Variants in TTC7A observed in about 807,000 individuals in gnomAD.
TTC7A encodes tetratricopeptide repeat domain 7A.
In TTC7A, 110 loss-of-function variants were observed where a neutral mutation model predicts 103.7. That is an observed-to-expected ratio of 1.06 (90% CI 0.91 to 1.24). The LOEUF (loss-of-function observed/expected upper bound fraction) is 1.24. Among genes scored for constraint, TTC7A ranks in the 50% most tolerant of loss-of-function variants. TTC7A has a pLI of 0.00. For synonymous variants in TTC7A, 521 were observed against 467.9 expected (o/e 1.11, Z -1.47); for missense variants, 1,340 against 1,116.3 (o/e 1.20, Z -2.86).
At chr2:47,022,337 C>T (rs1274315242) in intron 12 of TTC7A, among the ~76,000 whole-genome samples, 1 of 152,254 alleles carries the variant, frequency 6.6e-6, no homozygotes, top group Admixed American at 6.5e-5. Flanking sequence ...CCTCACAATG[C>T]TTCCATTCTG....
chr2:46,986,168 T>G (rs1674987597), intron 5 of TTC7A, among the ~76,000 whole-genome samples: 1 of 152,208 alleles, frequency 6.6e-6, no homozygotes, highest in African/African-American at 2.4e-5. Context: ...TTCGGGCATC[T>G]CTGAATGGTC....
intron 15 of TTC7A, among the ~76,000 whole-genome samples, chr2:47,030,244 T>G (rs1680386892): frequency 6.6e-6 from 1 of 152,216 alleles, no homozygotes; most frequent in Non-Finnish European, 1.5e-5. Flanking sequence ...CTGGCTGCCC[T>G]GATAGGTGAC....
rs111382431 is a variant in TTC7A, at chr2:47,069,929, C to T, written c.2356-3773C>T. ...CCAGCTGGAAAGGCTGTTACAGAAT[C>T]CCAGGAATGTGCCCTGAGCTCAGAA... On this transcript the variant is annotated intron_variant, in intron 19 of 19. Coordinates refer to ENST00000319190, the MANE Select transcript of TTC7A (RefSeq NM_020458.4). 2.6e-3 allele frequency among the ~76,000 whole-genome samples: 396 copies of T among 152,326 alleles called. 1 individual carries two copies. Among genetic ancestry groups the T allele is most frequent in the Non-Finnish European group, 3.9e-3 (266 of 68,022 alleles).
chr2:47,035,484 C>T (rs1377967189), intron 15 of TTC7A: 1 of 152,224 alleles, frequency 6.6e-6, no homozygotes, highest in Non-Finnish European at 1.5e-5. Context: ...CAGCATTTCC[C>T]TTCGTGGGTT....
At chr2:47,023,876 T>TCCCCCC (rs1679575731) in intron 13 of TTC7A, among the ~76,000 whole-genome samples, 1 of 134,622 alleles carries the variant, frequency 7.4e-6, no homozygotes, top group Non-Finnish European at 1.6e-5. Context: ...ACCCACCCCT[T>TCCCCCC]CCACCATCCC....
At chr2:46,978,977 G>A (rs1674155292) in intron 5 of TTC7A, 70 bp downstream of exon 5, 3 of 1,104,006 alleles carry the variant, frequency 2.7e-6, no homozygotes, top group Non-Finnish European at 4.1e-6. Flanking sequence ...GTGGCCTTAA[G>A]GCTGCTCTCC....
chr2:46,955,691 T>C (rs1427558575), intron 2 of TTC7A, among the ~76,000 whole-genome samples: 1 of 152,128 alleles, frequency 6.6e-6, no homozygotes, highest in Non-Finnish European at 1.5e-5. Flanking sequence ...ACGCTTCATT[T>C]CTCTTGGCTT....
intron 11 of TTC7A, among the ~76,000 whole-genome samples, chr2:47,019,190 C>T (rs1051032617): frequency 2.0e-5 from 3 of 152,052 alleles, no homozygotes; most frequent in Admixed American, 2.0e-4. Flanking sequence ...TTCCTAATCA[C>T]TGCTATGACT....
intron 18 of TTC7A, among the ~76,000 whole-genome samples, chr2:47,060,250 A>AC (rs1384811770): frequency 6.6e-6 from 1 of 152,054 alleles, no homozygotes; most frequent in African/African-American, 2.4e-5. Flanking sequence ...CGTGCCTGTA[A>AC]CCCCAGCTAC....
chr2:46,921,072 A>G (rs1669079174), intron 2 of TTC7A, among the ~76,000 whole-genome samples: 1 of 152,204 alleles, frequency 6.6e-6, no homozygotes, highest in Admixed American at 6.5e-5. Flanking sequence ...TCTTAGAGTG[A>G]AAGACTGAAT....
chr2:47,061,579 C>G (rs1683784689), intron 19 of TTC7A, among the ~76,000 whole-genome samples: 1 of 152,192 alleles, frequency 6.6e-6, no homozygotes, highest in East Asian at 1.9e-4. Flanking sequence ...AGTGGCCTCC[C>G]TGTGGGAAGC....
At chr2:47,069,976 C>T (rs1684526254) in intron 19 of TTC7A, among the ~76,000 whole-genome samples, 1 of 145,524 alleles carries the variant, frequency 6.9e-6, no homozygotes. Flanking sequence ...AAAATAACTT[C>T]TATAAATACT....
At chr2:46,927,563 T>C (rs1669455475) in intron 2 of TTC7A, among the ~76,000 whole-genome samples, 1 of 151,844 alleles carries the variant, frequency 6.6e-6, no homozygotes, top group South Asian at 2.1e-4. Context: ...GGTTTCACCG[T>C]GTTAGCCAGG....
intron 13 of TTC7A, among the ~76,000 whole-genome samples, chr2:47,023,787 T>C (rs1167265229): frequency 6.6e-6 from 1 of 152,118 alleles, no homozygotes; most frequent in Non-Finnish European, 1.5e-5. Context: ...CCTTGCACAG[T>C]ATCCTATGTG....
At chr2:46,921,168 C>T (rs906370761) in intron 2 of TTC7A, among the ~76,000 whole-genome samples, 2 of 152,090 alleles carry the variant, frequency 1.3e-5, no homozygotes, top group African/African-American at 2.4e-5. Context: ...TATACTAGAG[C>T]TTTAAGCCGT....
chr2:46,943,741 T>G (rs931051643), intron 1 of TTC7A, among the ~76,000 whole-genome samples: 1 of 152,188 alleles, frequency 6.6e-6, no homozygotes, highest in African/African-American at 2.4e-5. Flanking sequence ...GGGAGATTCT[T>G]AACATCCCAC....
intron 13 of TTC7A, among the ~76,000 whole-genome samples, 168 bp downstream of exon 13, chr2:47,023,633 A>T (rs952389924): frequency 6.6e-6 from 1 of 152,150 alleles, no homozygotes; most frequent in African/African-American, 2.4e-5. Flanking sequence ...GGGATTGGGC[A>T]GGCAGCCGAG....
chr2:46,981,976 C>A (rs761066269), intron 5 of TTC7A, among the ~76,000 whole-genome samples: 16 of 152,198 alleles, frequency 1.1e-4, no homozygotes, highest in Non-Finnish European at 1.6e-4. Context: ...CAGCAGGACC[C>A]TTGACCCAGG....
At chr2:47,046,519 A>T in intron 16 of TTC7A, 88 bp downstream of exon 16, 2 of 1,000,144 alleles carry the variant, frequency 2.0e-6, no homozygotes, top group Non-Finnish European at 3.2e-6. Flanking sequence ...GCCTGCCAAG[A>T]TGGGGAGGAG....
Sources: allele counts gnomAD v4.1 joint callset (sites outside exome capture counted in the v4.1 genomes callset), GRCh38; gene constraint gnomAD v4.1.1; transcripts MANE v1.5; gene names NCBI Gene and HGNC (gene_info 2026-07-23, HGNC 2026-07-21).